Variants in RAB27A observed in about 807,000 individuals in gnomAD.
RAB27A encodes RAB27A, member RAS oncogene family, also known as ras-related protein Rab-27A.
RAB27A carries 17 observed loss-of-function variants against 20.8 expected under a neutral mutation model. The ratio of observed to expected loss-of-function variants is 0.82; its 90% CI spans 0.56 to 1.23. The LOEUF is 1.23. Among genes scored for constraint, RAB27A ranks in the 50% most tolerant of loss-of-function variants. The probability of loss-of-function intolerance (pLI) is 0.00; values close to 1 mark genes in which losing one functional copy is unlikely to be tolerated. For synonymous variants in RAB27A, 85 were observed against 92.8 expected (o/e 0.92, Z 0.48); for missense variants, 277 against 266.7 (o/e 1.04, Z -0.27).
intron 2 of RAB27A, among the ~76,000 whole-genome samples, chr15:55,297,236 C>A (rs905896992): frequency 1.3e-5 from 2 of 152,146 alleles, no homozygotes; most frequent in Non-Finnish European, 2.9e-5. Flanking sequence ...TTGCTGCAGT[C>A]CTAAAAAATG....
upstream of RAB27A, among the ~76,000 whole-genome samples, chr15:55,290,895 T>G (rs1898290139): frequency 6.6e-6 from 1 of 152,246 alleles, no homozygotes; most frequent in Admixed American, 6.5e-5. Flanking sequence ...CTAAGCCGTC[T>G]CGCTGACTTG....
Position 55,262,201 on chromosome 15 carries a change from G to A in RAB27A, c.-23+7964C>T, listed in dbSNP as rs561147371. Among the ~76,000 whole-genome samples, 8 of 151,982 alleles carry A rather than the reference G, an allele frequency of 5.3e-5. No homozygotes were observed. The East Asian group carries it at 1.6e-3, about 29-fold the overall frequency. On this transcript the variant is annotated intron_variant, in intron 2 of 6. Coordinates refer to ENST00000336787, the MANE Select transcript of RAB27A (RefSeq NM_183235.3). ...TCCAGCAATCTGTTAAACATATTAG[G>A]TAAAAATAAATTACTTCTTCCTTTC...
intron 2 of RAB27A, among the ~76,000 whole-genome samples, chr15:55,262,303 A>G (rs1489515820): frequency 6.6e-6 from 1 of 152,020 alleles, no homozygotes; most frequent in Non-Finnish European, 1.5e-5. Flanking sequence ...GCAATTTGGG[A>G]GGCCAAGGTG....
In RAB27A at chr15:55,246,987, A is replaced by C. The variant is rs576929748; in HGVS notation, c.-22-12031T>G. On this transcript the variant is annotated intron_variant, in intron 2 of 6. Transcript: ENST00000336787. ...TACAAACTGAACAGCAAAATGCCTG[A>C]TGAAGATCAATGAATCATAGCTATT... 9.8e-4 allele frequency among the ~76,000 whole-genome samples: 150 copies of C among 152,320 alleles called. 1 individual carries two copies. The highest frequency in any genetic ancestry group is 3.4e-3 in the Middle Eastern group (1 of 294).
At position 55,223,919 on chromosome 15, in the gene RAB27A, T is replaced by C; in HGVS notation, c.437A>G (p.Glu146Gly). The change falls in exon 6 of 7, where the codon GAG (glutamate) becomes GGG (glycine). Residue 146 changes from glutamate to glycine, a missense_variant. Physicochemically the swap from Glu to Gly is moderately conservative, Grantham distance 98. Transcript: ENST00000336787. ...DLEDQRVVKE[E>G]EAIALAEKYG... is the part of the protein sequence containing the mutation. ...TTTCTCTGCGAGTGCTATGGCTTCC[T>C]CCTCTTTCACTACTCTCTGGTCCTC... The C allele has an allele frequency of 6.2e-7, 1 of 1,613,924 alleles. No homozygotes were observed. Among genetic ancestry groups the C allele is most frequent in the Non-Finnish European group, 8.5e-7 (1 of 1,179,916 alleles).
intron 5 of RAB27A, 108 bp from the exon 6 acceptor site, chr15:55,224,120 T>C (rs985157124): frequency 9.7e-5 from 80 of 824,878 alleles, no homozygotes; most frequent in African/African-American, 3.5e-5. Context: ...TATATAGATA[T>C]TGGGAATTGA....
chr15:55,292,361 T>A (rs1250119767), upstream of RAB27A, among the ~76,000 whole-genome samples: 1 of 152,332 alleles, frequency 6.6e-6, no homozygotes, highest in Non-Finnish European at 1.5e-5. Context: ...AGCTAATAAG[T>A]GGCACAGCCA....
At chr15:55,262,537 G>A (rs1897310752) in intron 2 of RAB27A, among the ~76,000 whole-genome samples, 2 of 76,458 alleles carry the variant, frequency 2.6e-5, no homozygotes, top group African/African-American at 5.1e-5. Context: ...GTGAGACTCT[G>A]ACTCAAAGAA....
chr15:55,254,094 C>T (rs1013814392), intron 2 of RAB27A, among the ~76,000 whole-genome samples: 3 of 152,118 alleles, frequency 2.0e-5, no homozygotes, highest in African/African-American at 4.8e-5. Context: ...GAAAATCAAT[C>T]TCATAATTCT....
intron 2 of RAB27A, among the ~76,000 whole-genome samples, chr15:55,241,044 G>C (rs757204671): frequency 6.6e-6 from 1 of 152,198 alleles, no homozygotes; most frequent in African/African-American, 2.4e-5. Context: ...TAAGTTCTAT[G>C]TAAGTATTAG....
chr15:55,228,852 G>A (rs1895921622), intron 4 of RAB27A, 140 bp from the exon 5 acceptor site: 1 of 704,700 alleles, frequency 1.4e-6, no homozygotes. Context: ...ATATAGGATA[G>A]TTATTTATCA....
intron 5 of RAB27A, among the ~76,000 whole-genome samples, chr15:55,224,405 G>A (rs978624137): frequency 6.6e-6 from 1 of 152,084 alleles, no homozygotes; most frequent in African/African-American, 2.4e-5. Flanking sequence ...GTTTTTATGT[G>A]TTTTTTTCTC....
intron 3 of RAB27A, among the ~76,000 whole-genome samples, chr15:55,234,333 T>G (rs1595699384): frequency 6.6e-6 from 1 of 152,300 alleles, no homozygotes; most frequent in East Asian, 1.9e-4. Flanking sequence ...CTCACCCTCC[T>G]GGCAGCAGTG....
intron 2 of RAB27A, among the ~76,000 whole-genome samples, chr15:55,235,833 A>C (rs1896233781): frequency 6.6e-6 from 1 of 152,156 alleles, no homozygotes; most frequent in African/African-American, 2.4e-5. Context: ...ACTCAGCCAC[A>C]AAAAGGAACG....
intron 2 of RAB27A, among the ~76,000 whole-genome samples, chr15:55,256,837 A>C (rs1348763847): frequency 6.6e-6 from 1 of 152,226 alleles, no homozygotes; most frequent in Non-Finnish European, 1.5e-5. Context: ...TCTCTTTCCA[A>C]CACAGACATT....
At chr15:55,318,147 G>A (rs1240026794) in intron 1 of RAB27A, among the ~76,000 whole-genome samples, 1 of 149,422 alleles carries the variant, frequency 6.7e-6, no homozygotes, top group South Asian at 2.1e-4. Flanking sequence ...GCCCAGGCTG[G>A]AGTGCAATGG....
intron 2 of RAB27A, among the ~76,000 whole-genome samples, chr15:55,250,954 G>A (rs1896866756): frequency 6.6e-6 from 1 of 152,198 alleles, no homozygotes; most frequent in Admixed American, 6.5e-5. Flanking sequence ...AATGAAAGGA[G>A]TGAAGGTCAA....
chr15:55,265,638 A>T (rs207475515), intron 2 of RAB27A, among the ~76,000 whole-genome samples: 2 of 135,116 alleles, frequency 1.5e-5, no homozygotes, highest in African/African-American at 2.6e-5. Flanking sequence ...GCTCAAAATT[A>T]AAAAAAAAAA....
At position 55,205,464 on chromosome 15, in the gene RAB27A, C is replaced by T. The variant is rs1403447472; in HGVS notation, c.*43G>A. Reference sequence around the variant, plus strand: ...CATGTATCAATCATAGAGAAGATCCCAGGCATGGGCCACCTGAACTACTAT... The same window carrying T: ...CATGTATCAATCATAGAGAAGATCCTAGGCATGGGCCACCTGAACTACTAT... On this transcript the variant is annotated 3_prime_UTR_variant, in exon 7 of 7. Transcript: ENST00000336787. The T allele has an allele frequency of 1.9e-6, 3 of 1,579,554 alleles. No individual in the cohort carries two copies. Among genetic ancestry groups the T allele is most frequent in the Non-Finnish European group, 2.6e-6 (3 of 1,149,022 alleles).
Sources: gnomAD v4.1 joint callset for allele counts (sites outside exome capture counted in the v4.1 genomes callset) on GRCh38, gnomAD v4.1.1 for gene constraint, MANE v1.5 for transcripts, NCBI Gene and HGNC (gene_info 2026-07-23, HGNC 2026-07-21) for gene names.